Variants in TRPC5 observed in about 807,000 individuals in gnomAD.
TRPC5 encodes short transient receptor potential channel 5.
A neutral mutation model predicts 56.5 loss-of-function variants in TRPC5; 9 were observed. That is an observed-to-expected ratio of 0.16 (90% confidence interval 0.10 to 0.28). The LOEUF is 0.28. Ranked by LOEUF, TRPC5 falls within the 10% of genes least tolerant of loss-of-function variation. The pLI, the probability that TRPC5 is intolerant of heterozygous loss-of-function variation, is 1.00. For synonymous variants in TRPC5, 282 were observed against 278.5 expected, an observed-to-expected ratio of 1.01 and a Z score of -0.13; for missense variants, 469 against 748.9, an observed-to-expected ratio of 0.63 and a Z score of 4.36.
chrX:111,807,913 C>T (rs1233017330), intron 7 of TRPC5, among the ~76,000 whole-genome samples: 2 of 107,899 alleles, frequency 1.9e-5, no homozygotes, highest in African/African-American at 3.5e-5. Flanking sequence ...TGTTGTCTTC[C>T]GTTATTTTCT....
intron 1 of TRPC5, among the ~76,000 whole-genome samples, chrX:111,989,939 G>C (rs960043380): frequency 8.9e-6 from 1 of 112,400 alleles, no homozygotes; most frequent in African/African-American, 3.2e-5. Flanking sequence ...TTTTACCTTT[G>C]GGGGGAAAAT....
intron 7 of TRPC5, among the ~76,000 whole-genome samples, chrX:111,822,171 A>G (rs1446420351): frequency 8.1e-5 from 9 of 111,469 alleles, no homozygotes; most frequent in African/African-American, 2.9e-4. Flanking sequence ...AGTGTCTCCA[A>G]TCTCTTTTTC....
At chrX:112,022,533 T>TGA (rs1470887467) in intron 1 of TRPC5, among the ~76,000 whole-genome samples, 1 of 112,092 alleles carries the variant, frequency 8.9e-6, no homozygotes, top group Non-Finnish European at 1.9e-5. Flanking sequence ...CATGGATGAG[T>TGA]GAGTGTTCAC....
intron 7 of TRPC5, among the ~76,000 whole-genome samples, chrX:111,829,301 CA>C (rs34464345): frequency 0.027 from 605 of 22,324 alleles, no homozygotes; most frequent in African/African-American, 0.043. Flanking sequence ...GACTCTGTCT[CA>C]AAAAAAAAAA....
chrX:112,059,659 A>G (rs1930417292), intron 1 of TRPC5, among the ~76,000 whole-genome samples: 1 of 111,976 alleles, frequency 8.9e-6, no homozygotes, highest in Non-Finnish European at 1.9e-5. Context: ...CCCTACCATC[A>G]TAAACTCAGG....
intron 1 of TRPC5, among the ~76,000 whole-genome samples, chrX:112,037,670 C>T (rs1929783663): frequency 1.8e-5 from 2 of 111,542 alleles, no homozygotes; most frequent in Non-Finnish European, 3.8e-5. Flanking sequence ...TCTACAATCT[C>T]TGAACTGTAC....
chrX:111,809,986 C>T (rs1451024228), intron 7 of TRPC5, among the ~76,000 whole-genome samples: 1 of 109,384 alleles, frequency 9.1e-6, no homozygotes, highest in African/African-American at 3.4e-5. Flanking sequence ...GTGATTTTGG[C>T]TCACTGCAAC....
chrX:111,949,393 T>A (rs1312057654), intron 2 of TRPC5, among the ~76,000 whole-genome samples: 2 of 111,622 alleles, frequency 1.8e-5, no homozygotes, highest in Non-Finnish European at 3.8e-5. Flanking sequence ...GCAGCAGAGT[T>A]AACAAACAAC....
At chrX:111,810,915 A>G (rs1399850512) in intron 7 of TRPC5, among the ~76,000 whole-genome samples, 1 of 112,414 alleles carries the variant, frequency 8.9e-6, no homozygotes, top group Non-Finnish European at 1.9e-5. Flanking sequence ...GAATAAAAAA[A>G]TTAAATTTCA....
intron 3 of TRPC5, among the ~76,000 whole-genome samples, chrX:111,888,699 A>C (rs1316063346): frequency 9.8e-6 from 1 of 102,358 alleles, no homozygotes; most frequent in Non-Finnish European, 2.0e-5. Flanking sequence ...ATCTCAAAAA[A>C]AAAAAAAAAA....
intron 2 of TRPC5, among the ~76,000 whole-genome samples, chrX:111,937,353 A>T (rs1348291713): frequency 1.1e-5 from 1 of 94,502 alleles, no homozygotes; most frequent in Non-Finnish European, 2.1e-5. Context: ...GTTTAATTAG[A>T]TCCCATTTGT....
chrX:111,927,214 C>A (rs182199505), intron 2 of TRPC5, among the ~76,000 whole-genome samples: 64 of 112,286 alleles, frequency 5.7e-4, no homozygotes, highest in Non-Finnish European at 9.6e-4. Context: ...ACAATAGCAC[C>A]TTGTCACCAA....
At chrX:111,814,313 T>C (rs1921795981) in intron 7 of TRPC5, among the ~76,000 whole-genome samples, 1 of 109,614 alleles carries the variant, frequency 9.1e-6, no homozygotes, top group Admixed American at 9.7e-5. Context: ...GGGGAGCCAA[T>C]TCCCTCCCAC....
At chrX:111,826,205 A>G (rs1477379113) in intron 7 of TRPC5, among the ~76,000 whole-genome samples, 2 of 112,024 alleles carry the variant, frequency 1.8e-5, no homozygotes, top group Non-Finnish European at 3.8e-5. Context: ...TAATAGTGCT[A>G]TTGTTTTACT....
chrX:111,809,975 C>T (rs1921650287), intron 7 of TRPC5, among the ~76,000 whole-genome samples: 1 of 108,885 alleles, frequency 9.2e-6, no homozygotes, highest in African/African-American at 3.4e-5. Context: ...AGAGCACTGG[C>T]GTGATTTTGG....
At chrX:111,874,880 T>C (rs1415448483) in intron 3 of TRPC5, among the ~76,000 whole-genome samples, 1 of 112,586 alleles carries the variant, frequency 8.9e-6, no homozygotes, top group Non-Finnish European at 1.9e-5. Flanking sequence ...ACAGAGACCA[T>C]AAGGTCAACA....
At chrX:111,838,159 A>T (rs1922623560) in intron 6 of TRPC5, among the ~76,000 whole-genome samples, 1 of 111,568 alleles carries the variant, frequency 9.0e-6, no homozygotes, top group Admixed American at 9.6e-5. Flanking sequence ...AACTCTGCTG[A>T]TATTCTAGTC....
intron 7 of TRPC5, among the ~76,000 whole-genome samples, chrX:111,826,825 A>G (rs1209584030): frequency 8.9e-6 from 1 of 112,072 alleles, no homozygotes; most frequent in Non-Finnish European, 1.9e-5. Context: ...CCTGGAAGAA[A>G]TTAGGGCAGA....
rs58112324 is a variant in TRPC5, at chrX:111,898,251, T to TTATA, written c.900+14036_900+14039dup. Among the ~76,000 whole-genome samples, 492 of 92,362 alleles carry TTATA rather than the reference T, an allele frequency of 5.3e-3. 2 individuals carry two copies. Among genetic ancestry groups the TTATA allele is most frequent in the Middle Eastern group, 0.017 (3 of 179 alleles). The allele number at this position is 92,362 out of a possible 115,157, so 80.2% of individuals were successfully genotyped here. On this transcript the variant is annotated intron_variant, in intron 3 of 10. Transcript: ENST00000262839. The stretch of plus-strand genomic sequence containing the variant: ...TTTTATTATTGAGTTGTAGGGGTTC[T>TTATA]TATATATATATATATATATATATAT...
Sources: gnomAD v4.1 joint callset for allele counts (sites outside exome capture counted in the v4.1 genomes callset) on GRCh38, gnomAD v4.1.1 for gene constraint, MANE v1.5 for transcripts, NCBI Gene and HGNC (gene_info 2026-07-23, HGNC 2026-07-21) for gene names.